Variants in SYDE2 observed in about 807,000 individuals in gnomAD.
SYDE2 encodes the protein synapse defective Rho GTPase homolog 2, also known as rho GTPase-activating protein SYDE2.
SYDE2 carries 76 observed loss-of-function variants against 91.5 expected under a neutral mutation model. That is an observed-to-expected ratio of 0.83 (90% CI 0.69 to 1.01). SYDE2 has a LOEUF of 1.01. Ranked by LOEUF, SYDE2 falls within the 50% of genes least tolerant of loss-of-function variation. The pLI is 0.00. For synonymous variants in SYDE2, 513 were observed against 506.4 expected (o/e 1.01, Z -0.18); for missense variants, 1,364 against 1,367.7 (o/e 1.00, Z 0.04).
chr1:85,175,307 C>G (rs1239368816), intron 4 of SYDE2, among the ~76,000 whole-genome samples: 1 of 152,124 alleles, frequency 6.6e-6, no homozygotes, highest in African/African-American at 2.4e-5. Context: ...CGAGACCACC[C>G]TGGGCAACAC....
chr1:85,169,011 C>T (rs1021956937), intron 5 of SYDE2, 33 bp downstream of exon 5: 12 of 1,601,754 alleles, frequency 7.5e-6, no homozygotes, highest in Non-Finnish European at 1.0e-5. Context: ...CATTAACTGG[C>T]TTTCAGGAAA....
chr1:85,166,212 C>A (rs146957355), intron 5 of SYDE2, among the ~76,000 whole-genome samples: 3 of 151,738 alleles, frequency 2.0e-5, no homozygotes. Context: ...TGGTGGTGCA[C>A]ACCTGTAATC....
chr1:85,186,971 T>C (rs1658165896), intron 2 of SYDE2, among the ~76,000 whole-genome samples: 1 of 152,118 alleles, frequency 6.6e-6, no homozygotes, highest in African/African-American at 2.4e-5. Context: ...ACTTCATGTC[T>C]AAAACACCAA....
At position 85,158,030 on chromosome 1, in the gene SYDE2, T is replaced by C. The variant is rs1291050846; in HGVS notation, c.*720A>G. On this transcript the variant is annotated 3_prime_UTR_variant, in exon 7 of 7. Transcript: ENST00000341460. ...AAAATTTGACCAAAGGATGTTGCAG[T>C]GTACCAGGACCAGTACTGCAAATCA... 1 of 152,204 alleles carries C rather than the reference T, an allele frequency of 6.6e-6. No individual in the cohort carries two copies. Among genetic ancestry groups the C allele is most frequent in the African/African-American group, 2.4e-5 (1 of 41,448 alleles). 9.4% of individuals were successfully genotyped at this position (152,204 alleles called of 1,614,324 possible). A position where few individuals can be genotyped will look rare whatever the true frequency, so the allele number is the denominator to read the frequency against.
intron 6 of SYDE2, chr1:85,161,263 A>C: frequency 4.2e-6 from 1 of 240,776 alleles, no homozygotes; most frequent in Non-Finnish European, 6.7e-6. Flanking sequence ...TTTTATCTAT[A>C]ATTACCTTAT....
chr1:85,186,169 T>A (rs372872577), intron 2 of SYDE2, among the ~76,000 whole-genome samples: 1 of 152,196 alleles, frequency 6.6e-6, no homozygotes, highest in South Asian at 2.1e-4. Context: ...GTGGATAAGC[T>A]TTTTGATGTG....
intron 1 of SYDE2, among the ~76,000 whole-genome samples, chr1:85,199,462 A>T (rs768103048): frequency 2.6e-5 from 4 of 152,220 alleles, no homozygotes; most frequent in Non-Finnish European, 5.9e-5. Flanking sequence ...TCCTATTATA[A>T]GGATCAATAT....
chr1:85,174,727 A>G (rs1268783221), intron 4 of SYDE2, among the ~76,000 whole-genome samples: 1 of 152,128 alleles, frequency 6.6e-6, no homozygotes, highest in Non-Finnish European at 1.5e-5. Context: ...GCTCTCATAA[A>G]CAATCTCAGT....
intron 1 of SYDE2, among the ~76,000 whole-genome samples, chr1:85,192,537 G>A (rs1399902839): frequency 6.6e-6 from 1 of 152,026 alleles, no homozygotes; most frequent in African/African-American, 2.4e-5. Flanking sequence ...TTCAATTCCA[G>A]ATGCAGGAAT....
downstream of SYDE2, chr1:85,152,959 C>A (rs547137709): frequency 1.6e-4 from 24 of 152,220 alleles, no homozygotes; most frequent in East Asian, 4.4e-3. Context: ...GCATTTATTA[C>A]AAAAAAACCC....
chr1:85,190,424 A>C lies in SYDE2; in HGVS notation c.1074T>G (p.Phe358Leu), dbSNP rs747394687. 2.5e-6 allele frequency: 4 copies of C among 1,613,870 alleles called. No individual in the cohort carries two copies. The South Asian group carries it at 3.3e-5, about 13-fold the overall frequency. ...CATCATCTGCATCATTTTCCTCATT[A>C]AAATCTAAAGCACAGTTTTTCGATA... ...SSLSKNCALD[F>L]NEENDADDEG... Residue 358 changes from phenylalanine (F) to leucine (L), a missense_variant, in exon 2 of 7, where the codon TTT becomes TTG. By Grantham distance (22) the Phe-to-Leu change is conservative. Coordinates refer to ENST00000341460, the MANE Select transcript of SYDE2 (RefSeq NM_032184.2).
chr1:85,182,786 C>A lies in SYDE2; in HGVS notation c.1856G>T (p.Gly619Val). 2 of 1,613,888 alleles carry A rather than the reference C, an allele frequency of 1.2e-6. No individual in the cohort carries two copies. The highest frequency in any genetic ancestry group is 1.7e-6 in the Non-Finnish European group (2 of 1,179,862). ...AGGTGAGTCTCCATCACTAAGGTAA[C>A]CACCTTTGCAGGAATACTTAGAACT... ...SMSSKYSCKG[G>V]YLSDGDSPEL... The change falls in exon 3 of 7, where the codon GGT (glycine) becomes GTT (valine). Residue 619 changes from glycine (G) to valine (V), a missense_variant. Gly to Val is a moderately radical substitution (Grantham distance 109, BLOSUM62 -3). Coordinates refer to ENST00000341460, the MANE Select transcript of SYDE2 (RefSeq NM_032184.2).
intron 6 of SYDE2, among the ~76,000 whole-genome samples, chr1:85,163,445 C>CTATCTATATATATA (rs1174209275): frequency 1.1e-5 from 1 of 87,626 alleles, no homozygotes; most frequent in African/African-American, 3.4e-5. Flanking sequence ...GTACTTTAAT[C>CTATCTATATATATA]TATATATATA....
At chr1:85,160,559 T>C in intron 6 of SYDE2, 1 of 982,952 alleles carries the variant, frequency 1.0e-6, no homozygotes, top group African/African-American at 1.7e-5. Context: ...TACCATCAAC[T>C]GATGTAAGTG....
chr1:85,162,118 T>C (rs1428139444), intron 6 of SYDE2, among the ~76,000 whole-genome samples: 1 of 152,178 alleles, frequency 6.6e-6, no homozygotes. Flanking sequence ...TTTTCAAATA[T>C]AAATCTCAAA....
At chr1:85,191,814 T>C (rs912764558) in intron 1 of SYDE2, among the ~76,000 whole-genome samples, 4 of 151,774 alleles carry the variant, frequency 2.6e-5, no homozygotes, top group Admixed American at 2.0e-4. Context: ...CTTAGATATA[T>C]GCACATCTTA....
rs1482497187 is a variant in SYDE2 at position 85,164,676 on chromosome 1, C to A, written c.2935G>T (p.Ala979Ser). Reference protein sequence around the residue: ...EVNKMTCQNLAVCFGPVLLSQ... With the variant: ...EVNKMTCQNLSVCFGPVLLSQ... ...AATAATACTGGTCCAAAGCACACAG[C>A]CAAATTCTGGCACGTCATCTTATTC... Residue 979 changes from alanine to serine, a missense_variant, in exon 6 of 7, where the codon GCT becomes TCT. Ala to Ser is a moderately conservative substitution (Grantham distance 99, BLOSUM62 1). Transcript: ENST00000341460. 3.2e-6 allele frequency: 5 copies of A among 1,547,168 alleles called. No homozygotes were observed. The highest frequency in any genetic ancestry group is 2.6e-6 in the Non-Finnish European group (3 of 1,147,442).
chr1:85,159,580 C>T (rs1656986652), intron 6 of SYDE2, among the ~76,000 whole-genome samples: 1 of 152,118 alleles, frequency 6.6e-6, no homozygotes, highest in South Asian at 2.1e-4. Context: ...GGTAGCTTCT[C>T]CTAAATTAAA....
chr1:85,160,012 C>T, intron 6 of SYDE2: 1 of 836,666 alleles, frequency 1.2e-6, no homozygotes, highest in Non-Finnish European at 1.4e-6. Flanking sequence ...ACACACATTA[C>T]TTCATTACAA....
Sources: allele counts gnomAD v4.1 joint callset (sites outside exome capture counted in the v4.1 genomes callset), GRCh38; gene constraint gnomAD v4.1.1; transcripts MANE v1.5; gene names NCBI Gene and HGNC (gene_info 2026-07-23, HGNC 2026-07-21).